The following FGF14 variants were observed in gnomAD, a reference collection of about 807,000 sequenced individuals.
FGF14 encodes fibroblast growth factor homologous factor 4.
In FGF14, 5 loss-of-function variants were observed where a neutral mutation model predicts 25.5. The observed-to-expected ratio is 0.20, with a 90% confidence interval of 0.10 to 0.41. The LOEUF (loss-of-function observed/expected upper bound fraction) is 0.41, where lower values mean the gene tolerates loss of function less well. Among genes scored for constraint, FGF14 ranks in the 10% least tolerant of loss-of-function variants. The pLI, the probability that FGF14 is intolerant of heterozygous loss-of-function variation, is 1.00. For missense variants in FGF14, 222 were observed against 320.1 expected (o/e 0.69, Z 2.34); for synonymous variants, 138 against 118.3 (o/e 1.17, Z -1.08).
intron 1 of FGF14, among the ~76,000 whole-genome samples, chr13:102,122,969 T>G (rs1443582874): frequency 6.6e-6 from 1 of 152,124 alleles, no homozygotes; most frequent in African/African-American, 2.4e-5. Context: ...ACCTACCAAA[T>G]GCTGCCAAGT....
chr13:101,748,545 G>A (rs2037047655), intron 3 of FGF14, among the ~76,000 whole-genome samples: 1 of 151,540 alleles, frequency 6.6e-6, no homozygotes, highest in Non-Finnish European at 1.5e-5. Context: ...TACACTAAAA[G>A]CCCATACTTT....
intron 1 of FGF14, among the ~76,000 whole-genome samples, chr13:102,380,150 T>G (rs1349227543): frequency 6.6e-6 from 1 of 150,780 alleles, no homozygotes; most frequent in Non-Finnish European, 1.5e-5. Flanking sequence ...ACAAAGGAAG[T>G]AAACATAGAA....
At chr13:101,798,012 C>T (rs11838798) in intron 3 of FGF14, among the ~76,000 whole-genome samples, 2,259 of 152,170 alleles carry the variant, frequency 0.015, 68 homozygotes, top group African/African-American at 0.052. Flanking sequence ...TACTTGCTAA[C>T]GTTACTCGCT....
chr13:102,170,368 C>G (rs1053147973), intron 1 of FGF14, among the ~76,000 whole-genome samples: 3 of 152,020 alleles, frequency 2.0e-5, no homozygotes. Context: ...TCTTCTTGCA[C>G]TTCTTCCTCC....
chr13:101,776,081 A>C (rs143621668), intron 3 of FGF14, among the ~76,000 whole-genome samples: 5 of 152,058 alleles, frequency 3.3e-5, no homozygotes, highest in African/African-American at 1.2e-4. Context: ...TGCGCTTACG[A>C]GTTCCATTAA....
chr13:102,165,950 T>C (rs1407754089), intron 1 of FGF14, among the ~76,000 whole-genome samples: 1 of 151,962 alleles, frequency 6.6e-6, no homozygotes, highest in Admixed American at 6.6e-5. Flanking sequence ...GTAAAATTTT[T>C]CATTTTAACC....
intron 1 of FGF14, among the ~76,000 whole-genome samples, chr13:102,129,778 T>C (rs185668625): frequency 6.6e-6 from 1 of 152,110 alleles, no homozygotes. Flanking sequence ...ATGGCACATG[T>C]ATACATATGT....
intron 1 of FGF14, among the ~76,000 whole-genome samples, chr13:102,268,108 T>C (rs2053078351): frequency 6.6e-6 from 1 of 152,144 alleles, no homozygotes; most frequent in Non-Finnish European, 1.5e-5. Context: ...ATAGAAAAGC[T>C]GCCATAATAG....
At chr13:101,723,122 A>G (rs1214320975) in intron 4 of FGF14, 155 bp from the exon 5 acceptor site, 7 of 855,620 alleles carry the variant, frequency 8.2e-6, no homozygotes, top group Non-Finnish European at 1.1e-5. Flanking sequence ...GTTGTAAAGC[A>G]ATCATTTCCA....
intron 3 of FGF14, among the ~76,000 whole-genome samples, chr13:101,743,427 ATTAAT>A (rs777861674): frequency 3.3e-5 from 5 of 152,174 alleles, no homozygotes; most frequent in Admixed American, 6.6e-5. Flanking sequence ...TTTTTAATTA[ATTAAT>A]TTATTTATTT....
chr13:102,326,414 T>C (rs750571191), intron 1 of FGF14, among the ~76,000 whole-genome samples: 21 of 152,172 alleles, frequency 1.4e-4, no homozygotes, highest in Non-Finnish European at 2.9e-4. Flanking sequence ...CTCTTGCTTA[T>C]GATTTTCTTG....
At chr13:102,117,649 CCCATCCACTAT>C (rs2045535748) in intron 1 of FGF14, among the ~76,000 whole-genome samples, 1 of 152,132 alleles carries the variant, frequency 6.6e-6, no homozygotes, top group Non-Finnish European at 1.5e-5. Flanking sequence ...CAGTGGCACA[CCCATCCACTAT>C]GCAGCCAGAG....
intron 1 of FGF14, among the ~76,000 whole-genome samples, chr13:101,952,928 G>A (rs1166540898): frequency 2.6e-5 from 4 of 152,166 alleles, no homozygotes; most frequent in African/African-American, 9.7e-5. Context: ...TAGCTACTCA[G>A]GAGACTGAGG....
intron 1 of FGF14, among the ~76,000 whole-genome samples, chr13:102,020,225 T>C (rs2040562836): frequency 6.6e-6 from 1 of 151,836 alleles, no homozygotes; most frequent in Non-Finnish European, 1.5e-5. Flanking sequence ...ATAGGTTCAG[T>C]AGTGAAAAGA....
intron 1 of FGF14, among the ~76,000 whole-genome samples, chr13:102,328,570 G>C (rs563713531): frequency 1.3e-5 from 2 of 152,160 alleles, no homozygotes; most frequent in Non-Finnish European, 2.9e-5. Flanking sequence ...TCCATTCATG[G>C]AGCTCCCACC....
chr13:101,907,991 G>A (rs1010194916), intron 1 of FGF14, among the ~76,000 whole-genome samples: 4 of 152,132 alleles, frequency 2.6e-5, no homozygotes, highest in African/African-American at 9.7e-5. Flanking sequence ...AAGCAGTTGT[G>A]GAGTATGTGA....
intron 1 of FGF14, among the ~76,000 whole-genome samples, chr13:102,031,349 C>A (rs1416079523): frequency 2.0e-5 from 3 of 152,110 alleles, no homozygotes; most frequent in Non-Finnish European, 2.9e-5. Context: ...TTATTCCTCA[C>A]AACGCGTTAG....
chr13:101,941,674 T>G (rs2035459777), intron 1 of FGF14, among the ~76,000 whole-genome samples: 3 of 152,204 alleles, frequency 2.0e-5, no homozygotes, highest in African/African-American at 4.8e-5. Context: ...ACTGTCTAGT[T>G]AAATAAATTA....
intron 3 of FGF14, among the ~76,000 whole-genome samples, chr13:101,861,548 A>G (rs1397001519): frequency 7.2e-6 from 1 of 138,932 alleles, no homozygotes; most frequent in Admixed American, 7.1e-5. Flanking sequence ...TGCAGACACT[A>G]GTGTCTGCAA....
Sources: gnomAD v4.1 joint callset for allele counts (sites outside exome capture counted in the v4.1 genomes callset) on GRCh38, gnomAD v4.1.1 for gene constraint, MANE v1.5 for transcripts, NCBI Gene and HGNC (gene_info 2026-07-23, HGNC 2026-07-21) for gene names.